Variants in XPNPEP3 observed in about 807,000 individuals in gnomAD.
XPNPEP3 encodes X-prolyl aminopeptidase 3, also known as xaa-Pro aminopeptidase 3.
XPNPEP3 carries 41 observed loss-of-function variants against 60.0 expected under a neutral mutation model. That is an observed-to-expected ratio of 0.68 (90% CI 0.53 to 0.89). The LOEUF (loss-of-function observed/expected upper bound fraction) is 0.89, where lower values mean the gene tolerates loss of function less well. XPNPEP3 is among the 40% of genes least tolerant of loss of function. The pLI, the probability that XPNPEP3 is intolerant of heterozygous loss-of-function variation, is 0.00. For missense variants in XPNPEP3, 598 were observed against 638.9 expected (o/e 0.94, Z 0.69); for synonymous variants, 212 against 223.2 (o/e 0.95, Z 0.45).
At chr22:40,871,481 T>C (rs2058005395) in intron 2 of XPNPEP3, among the ~76,000 whole-genome samples, 1 of 152,264 alleles carries the variant, frequency 6.6e-6, no homozygotes, top group Non-Finnish European at 1.5e-5. Context: ...CAGTATGTAC[T>C]TAATACTTTT....
chr22:40,858,373 CCAGGCCTGGAATTTGCTTTTATTTG>C (rs1326690569), intron 1 of XPNPEP3, among the ~76,000 whole-genome samples: 12 of 152,110 alleles, frequency 7.9e-5, no homozygotes, highest in Non-Finnish European at 1.8e-4. Flanking sequence ...AGCCACCGCC[CCAGGCCTGGAATTTGCTTTTATTTG>C]AAAGGCTCTC....
chr22:40,906,420 CAAA>C (rs11440795), intron 4 of XPNPEP3, among the ~76,000 whole-genome samples: 2 of 105,012 alleles, frequency 1.9e-5, no homozygotes, highest in African/African-American at 3.4e-5. Context: ...GACTCTGTCT[CAAA>C]AAAAAAAAAA....
At chr22:40,909,385 T>G (rs1235566207) in intron 6 of XPNPEP3, 150 bp downstream of exon 6, 2 of 706,282 alleles carry the variant, frequency 2.8e-6, no homozygotes, top group African/African-American at 3.5e-5. Flanking sequence ...TTACAGACAT[T>G]ATCTCATTTT....
intron 4 of XPNPEP3, chr22:40,907,169 C>G (rs2009539258): frequency 2.2e-6 from 1 of 457,428 alleles, no homozygotes; most frequent in African/African-American, 2.0e-5. Context: ...CGCCTGTATT[C>G]CCATCACTTT....
chr22:40,869,052 AG>A lies in XPNPEP3; in HGVS notation c.120del (p.Ile41PhefsTer6). 1 of 1,614,138 alleles carries A rather than the reference AG, an allele frequency of 6.2e-7. No individual in the cohort carries two copies. The highest frequency in any genetic ancestry group is 8.5e-7 in the Non-Finnish European group (1 of 1,179,992). On this transcript the variant is annotated frameshift_variant, in exon 2 of 10. Transcript: ENST00000357137. LOFTEE classifies it high-confidence loss of function. ...RYSLQPVPERRIPNRYLGQPS... is the reference protein window; with the variant it reads ...RYSLQPVPERXIPNRYLGQPS... ...CTCCCTTCAGCCTGTCCCAGAAAGG[AG>A]GATTCCAAACCGATACTTAGGCCAG...
chr22:40,896,512 A>G (rs2058108696), intron 4 of XPNPEP3, among the ~76,000 whole-genome samples: 1 of 152,150 alleles, frequency 6.6e-6, no homozygotes, highest in African/African-American at 2.4e-5. Context: ...CTAAAAATAT[A>G]GAAAATTAGC....
At chr22:40,858,088 G>A (rs1274498399) in intron 1 of XPNPEP3, among the ~76,000 whole-genome samples, 1 of 152,194 alleles carries the variant, frequency 6.6e-6, no homozygotes, top group Non-Finnish European at 1.5e-5. Flanking sequence ...GTGGGATTAG[G>A]TGAAAAGAAA....
At position 40,926,464 on chromosome 22, in the gene XPNPEP3, G is replaced by T. The variant is rs1241734420; in HGVS notation, c.*29G>T. 4 of 1,613,646 alleles carry T rather than the reference G, an allele frequency of 2.5e-6. No individual in the cohort carries two copies. Among genetic ancestry groups the T allele is most frequent in the Non-Finnish European group, 3.4e-6 (4 of 1,179,912 alleles). On this transcript the variant is annotated 3_prime_UTR_variant, in exon 10 of 10. Transcript: ENST00000357137. Reference sequence around the variant, plus strand: ...TCACTGCGGCCCACATGCACCTCAGGTTCAAAATGGGTGTCTTCTGGCAGC... The same window carrying T: ...TCACTGCGGCCCACATGCACCTCAGTTTCAAAATGGGTGTCTTCTGGCAGC...
At chr22:40,867,047 A>G (rs1484584631) in intron 1 of XPNPEP3, among the ~76,000 whole-genome samples, 1 of 152,218 alleles carries the variant, frequency 6.6e-6, no homozygotes, top group African/African-American at 2.4e-5. Flanking sequence ...CACCAATGCA[A>G]CAGCAGCCTA....
At chr22:40,881,045 A>T (rs2058045906) in intron 2 of XPNPEP3, among the ~76,000 whole-genome samples, 1 of 151,866 alleles carries the variant, frequency 6.6e-6, no homozygotes, top group Non-Finnish European at 1.5e-5. Context: ...TGAATTATAT[A>T]CTTTATTATT....
intron 2 of XPNPEP3, among the ~76,000 whole-genome samples, chr22:40,875,469 GAATA>G (rs1361339383): frequency 6.6e-6 from 1 of 152,026 alleles, no homozygotes; most frequent in African/African-American, 2.4e-5. Flanking sequence ...TTTTAATGCA[GAATA>G]AATAATGTAG....
chr22:40,923,043 T>C (rs1164578625), intron 8 of XPNPEP3, among the ~76,000 whole-genome samples: 1 of 151,938 alleles, frequency 6.6e-6, no homozygotes, highest in African/African-American at 2.4e-5. Flanking sequence ...CAAGACCCTA[T>C]CTCTACAAAA....
chr22:40,908,706 A>G (rs1033746663), intron 5 of XPNPEP3, among the ~76,000 whole-genome samples: 1 of 152,218 alleles, frequency 6.6e-6, no homozygotes, highest in Non-Finnish European at 1.5e-5. Flanking sequence ...GCTGTTGTTA[A>G]AAATGTAAGT....
At position 40,922,345 on chromosome 22, in the gene XPNPEP3, T is replaced by C. The variant is rs781582141; in HGVS notation, c.1068T>C (p.Pro356=). The change falls in exon 8 of 10, where the codon CCT becomes CCC. Residue 356 remains proline (P), a synonymous_variant. Coordinates refer to ENST00000357137, the MANE Select transcript of XPNPEP3 (RefSeq NM_022098.4). ...TTCCCGTCCCCAGGTTCACCGCACC[T>C]CAGGCAGAACTCTATGAAGCCGTTC... ...TWPVNGRFTA[P]QAELYEAVLE... is the part of the protein sequence containing the mutation. 6.2e-7 allele frequency: 1 copy of C among 1,613,832 alleles called. No homozygotes were observed.
chr22:40,863,873 A>C (rs1212970678), intron 1 of XPNPEP3, among the ~76,000 whole-genome samples: 1 of 152,202 alleles, frequency 6.6e-6, no homozygotes, highest in East Asian at 1.9e-4. Context: ...GTCTAATTTC[A>C]AGTTCTCATT....
intron 2 of XPNPEP3, among the ~76,000 whole-genome samples, chr22:40,876,752 A>G (rs569183489): frequency 6.6e-5 from 10 of 152,370 alleles, no homozygotes; most frequent in Admixed American, 2.6e-4. Flanking sequence ...TATAATACCT[A>G]TGCCAAAAAA....
At position 40,922,525 on chromosome 22, in the gene XPNPEP3, C is replaced by T. The variant is rs1457839465; in HGVS notation, c.1236+12C>T. 6.2e-7 allele frequency: 1 copy of T among 1,613,450 alleles called. No individual in the cohort carries two copies. Among genetic ancestry groups the T allele is most frequent in the Admixed American group, 1.7e-5 (1 of 60,000 alleles). The stretch of plus-strand genomic sequence containing the variant: ...ATAATGCCTTCAAGGTACTTCACTT[C>T]TCTTGACCCCAGTTCTCAAGAACAC... On this transcript the variant is annotated intron_variant, in intron 8 of 9. Transcript: ENST00000357137.
chr22:40,864,940 A>G (rs1009887433), intron 1 of XPNPEP3, among the ~76,000 whole-genome samples: 1 of 152,198 alleles, frequency 6.6e-6, no homozygotes, highest in African/African-American at 2.4e-5. Context: ...CTCTGACACT[A>G]TGATACAGAG....
intron 3 of XPNPEP3, 147 bp from the exon 4 acceptor site, chr22:40,886,166 T>G: frequency 1.3e-6 from 1 of 773,672 alleles, no homozygotes; most frequent in Non-Finnish European, 2.2e-6. Flanking sequence ...ATTGCTTCAG[T>G]CCTGAGAGAG....
Sources: gnomAD v4.1 joint callset for allele counts (sites outside exome capture counted in the v4.1 genomes callset) on GRCh38, gnomAD v4.1.1 for gene constraint, MANE v1.5 for transcripts, NCBI Gene and HGNC (gene_info 2026-07-23, HGNC 2026-07-21) for gene names.